Variants in RHPN2 observed in about 807,000 individuals in gnomAD.
The protein encoded by RHPN2 is rhophilin Rho GTPase binding protein 2.
RHPN2 carries 40 observed loss-of-function variants against 79.0 expected under a neutral mutation model. The observed-to-expected ratio is 0.51, with a 90% CI of 0.39 to 0.66. The LOEUF (loss-of-function observed/expected upper bound fraction) is 0.66, where lower values mean the gene tolerates loss of function less well. Ranked by LOEUF, RHPN2 falls within the 30% of genes least tolerant of loss-of-function variation. The pLI, the probability that RHPN2 is intolerant of heterozygous loss-of-function variation, is 0.00. For synonymous variants in RHPN2, 285 were observed against 363.5 expected (o/e 0.78, Z 2.46); for missense variants, 686 against 883.5 (o/e 0.78, Z 2.83).
At position 33,008,060 on chromosome 19, in the gene RHPN2, C is replaced by T. The variant is rs201568092; in HGVS notation, c.714G>A (p.Thr238=). The change falls in exon 7 of 15, where the codon ACG becomes ACA. Residue 238 remains threonine, a synonymous_variant. Coordinates refer to ENST00000254260, the MANE Select transcript of RHPN2 (RefSeq NM_033103.5). ...TQIGTRCDRQ[T]QAGLESAIDA... ...CTATGGCACTCTCCAGCCCAGCCTG[C>T]GTCTGCCGATCACACCGGGTCCCAA... 167 of 1,613,314 alleles carry T rather than the reference C, an allele frequency of 1.0e-4. 2 individuals carry two copies. In the East Asian group the frequency reaches 2.8e-3, roughly 27 times the overall value.
chr19:32,990,359 A>G (rs1242648760), intron 14 of RHPN2, 155 bp downstream of exon 14: 4 of 802,448 alleles, frequency 5.0e-6, no homozygotes, highest in Non-Finnish European at 8.4e-6. Context: ...ACCCAAGGTG[A>G]GCACATTACA....
chr19:33,048,007 C>T (rs199686651), intron 1 of RHPN2, among the ~76,000 whole-genome samples: 99 of 152,240 alleles, frequency 6.5e-4, no homozygotes, highest in South Asian at 3.9e-3. Flanking sequence ...CCCCACATAG[C>T]CCCACAACCT....
chr19:32,980,653 C>G (rs1971566769), intron 14 of RHPN2, among the ~76,000 whole-genome samples: 1 of 152,052 alleles, frequency 6.6e-6, no homozygotes, highest in Admixed American at 6.6e-5. Flanking sequence ...GTGACCAATG[C>G]TTATATAGAA....
At position 33,064,827 on chromosome 19, in the gene RHPN2, G is replaced by A. The variant is rs945697019; in HGVS notation, c.26C>T (p.Ala9Val). 9 of 1,520,198 alleles carry A rather than the reference G, an allele frequency of 5.9e-6. No individual in the cohort carries two copies. Among genetic ancestry groups the A allele is most frequent in the Admixed American group, 2.0e-5 (1 of 50,066 alleles). 94.2% of individuals were successfully genotyped at this position (1,520,198 alleles called of 1,614,324 possible). A position where few individuals can be genotyped will look rare whatever the true frequency, so the allele number is the denominator to read the frequency against. MTDALLPA[A>V]PQPLEKENDG... is the part of the protein sequence containing the mutation. ...GTTCTCCTTCTCCAGCGGCTGGGGG[G>A]CCGCGGGCAACAGCGCGTCGGTCAT... Residue 9 changes from alanine (A) to valine (V), a missense_variant, in exon 1 of 15, where the codon GCC becomes GTC. By Grantham distance (64) the Ala-to-Val change is moderately conservative. Coordinates refer to ENST00000254260, the MANE Select transcript of RHPN2 (RefSeq NM_033103.5).
rs116539173 is a variant in RHPN2, at chr19:33,024,167, G to A, written c.314+2337C>T. On this transcript the variant is annotated intron_variant, in intron 3 of 14. Coordinates refer to ENST00000254260, the MANE Select transcript of RHPN2 (RefSeq NM_033103.5). ...AACTGCACAGGAGGCCGGGTGTGGT[G>A]GCTCATGACTAATCCCAGCACTTTG... Among the ~76,000 whole-genome samples the A allele has an allele frequency of 7.5e-3, 1,145 of 152,216 alleles. 9 individuals are homozygous for A. The highest frequency in any genetic ancestry group is 0.026 in the African/African-American group (1,094 of 41,544).
chr19:33,002,263 G>T lies in RHPN2; in HGVS notation c.1089C>A (p.Leu363=). 3 of 1,613,308 alleles carry T rather than the reference G, an allele frequency of 1.9e-6. No individual in the cohort carries two copies. The highest frequency in any genetic ancestry group is 2.5e-6 in the Non-Finnish European group (3 of 1,179,848). The change falls in exon 9 of 15, where the codon CTC becomes CTA. Residue 363 remains leucine (L), a synonymous_variant. Coordinates refer to ENST00000254260, the MANE Select transcript of RHPN2 (RefSeq NM_033103.5). The part of the protein sequence containing the change: ...AALAHYFTAI[L]LIDHQVKPGT... ...AGGCCTTACCCTGGTGGTCGATGAG[G>T]AGGATGGCAGTGAAGTAGTGGGCCA...
rs765148895 is a variant in RHPN2, at chr19:32,990,558, T to A, written c.1756A>T (p.Ile586Phe). ...AGGAGGCTCACGACTTTCATCTCGATCTCGTCCTCGCCAAAGCTCTTCAGC... is the reference window on the plus strand; with the variant it reads ...AGGAGGCTCACGACTTTCATCTCGAACTCGTCCTCGCCAAAGCTCTTCAGC... ...KLLKSFGEDE[I>F]EMKVVSLLDS... Residue 586 changes from isoleucine (I) to phenylalanine (F), a missense_variant, in exon 14 of 15, where the codon ATC becomes TTC. Coordinates refer to ENST00000254260, the MANE Select transcript of RHPN2 (RefSeq NM_033103.5). The A allele has an allele frequency of 2.5e-6, 4 of 1,613,730 alleles. No individual in the cohort carries two copies. The African/African-American group carries it at 5.3e-5, about 22-fold the overall frequency.
intron 4 of RHPN2, 124 bp from the exon 5 acceptor site, chr19:33,012,848 T>G (rs1489968934): frequency 3.0e-6 from 2 of 663,886 alleles, no homozygotes; most frequent in Admixed American, 5.2e-5. Context: ...TTATAGTGAT[T>G]TTCAAAGTGG....
chr19:32,992,190 A>G, intron 12 of RHPN2: 2 of 568,636 alleles, frequency 3.5e-6, no homozygotes, highest in Non-Finnish European at 6.4e-6. Context: ...TCTTTTAGGC[A>G]TTGTATTAAT....
chr19:33,003,348 ACT>A (rs1295773810), intron 7 of RHPN2, among the ~76,000 whole-genome samples: 2 of 122,074 alleles, frequency 1.6e-5, no homozygotes, highest in East Asian at 2.3e-4. Context: ...ACAGAGCAAG[ACT>A]CTGTCTCAAA....
Position 33,044,349 on chromosome 19 carries a change from C to T in RHPN2, c.85G>A (p.Ala29Thr), listed in dbSNP as rs374008720. 125 of 1,613,888 alleles carry T rather than the reference C, an allele frequency of 7.7e-5. No homozygotes were observed. Among genetic ancestry groups the T allele is most frequent in the Non-Finnish European group, 1.0e-4 (123 of 1,179,950 alleles). Residue 29 changes from alanine (A) to threonine (T), a missense_variant, in exon 2 of 15, where the codon GCA becomes ACA. Coordinates refer to ENST00000254260, the MANE Select transcript of RHPN2 (RefSeq NM_033103.5). ...GYFRKGCNPL[A>T]QTGRSKLQNQ... ...TGCAATTTACTCCGGCCGGTTTGTG[C>T]AAGGGGATTACAGCCCTGAGGAAAA...
At chr19:33,036,811 C>G (rs1458235487) in intron 2 of RHPN2, among the ~76,000 whole-genome samples, 1 of 152,158 alleles carries the variant, frequency 6.6e-6, no homozygotes, top group African/African-American at 2.4e-5. Flanking sequence ...AATTTCTCGC[C>G]TGGCCTTAGC....
chr19:33,006,325 T>G (rs1279241468), intron 7 of RHPN2, among the ~76,000 whole-genome samples: 1 of 151,978 alleles, frequency 6.6e-6, no homozygotes, highest in Non-Finnish European at 1.5e-5. Context: ...GCCACTGGAG[T>G]AGCTGGAACT....
At position 33,011,799 on chromosome 19, in the gene RHPN2, C is replaced by T. The variant is rs781734711; in HGVS notation, c.473G>A (p.Cys158Tyr). Residue 158 changes from cysteine (C) to tyrosine (Y), a missense_variant, in exon 6 of 15, where the codon TGT (cysteine) becomes TAT (tyrosine). Coordinates refer to ENST00000254260, the MANE Select transcript of RHPN2 (RefSeq NM_033103.5). ...IADLMDLRQA[C>Y]RTPSRDEAGV... ...GGCCTCATCCCGGCTAGGCGTCCGA[C>T]AAGCCTGCAAGGAAAAGAACCCAAG... 2.5e-6 allele frequency: 4 copies of T among 1,613,848 alleles called. No individual in the cohort carries two copies. Among genetic ancestry groups the T allele is most frequent in the African/African-American group, 1.3e-5 (1 of 74,930 alleles).
At chr19:33,026,812 C>T in intron 2 of RHPN2, 180 bp from the exon 3 acceptor site, 5 of 627,248 alleles carry the variant, frequency 8.0e-6, no homozygotes, top group South Asian at 7.9e-5. Context: ...AGCACACCTG[C>T]CAGTACGTGG....
chr19:33,007,095 G>A (rs1241035119), intron 7 of RHPN2, among the ~76,000 whole-genome samples: 1 of 152,036 alleles, frequency 6.6e-6, no homozygotes, highest in Non-Finnish European at 1.5e-5. Context: ...CCAGAAGAAG[G>A]GAACTGAGCT....
At chr19:33,063,743 G>C (rs1327949516) in intron 1 of RHPN2, among the ~76,000 whole-genome samples, 1 of 131,686 alleles carries the variant, frequency 7.6e-6, no homozygotes, top group Non-Finnish European at 1.6e-5. Flanking sequence ...TGAGCTCCCT[G>C]ACTGTTATCT....
chr19:33,013,205 AAAAC>A (rs1971851059), intron 4 of RHPN2, among the ~76,000 whole-genome samples: 2 of 94,174 alleles, frequency 2.1e-5, no homozygotes, highest in African/African-American at 7.6e-5. Flanking sequence ...ACAAAAACAA[AAAAC>A]AAAAAACAGA....
chr19:33,022,307 C>T (rs905134598), intron 3 of RHPN2, among the ~76,000 whole-genome samples: 5 of 152,132 alleles, frequency 3.3e-5, no homozygotes, highest in African/African-American at 1.2e-4. Flanking sequence ...AGGGTCTGTG[C>T]CTGGTGCACT....
Sources: allele counts gnomAD v4.1 joint callset (sites outside exome capture counted in the v4.1 genomes callset), GRCh38; gene constraint gnomAD v4.1.1; transcripts MANE v1.5; gene names NCBI Gene and HGNC (gene_info 2026-07-23, HGNC 2026-07-21).